Variants in LRTM3 observed in about 807,000 individuals in gnomAD.
LRTM3 encodes leucine-rich repeat transmembrane protein 3.
chr13:102,754,876 CAG>C, the LRTM3 span, among the ~76,000 whole-genome samples: 3 of 152,128 alleles, frequency 2.0e-5, no homozygotes, highest in African/African-American at 4.8e-5. Context: ...AACAAATAAA[CAG>C]AGTCTTCTTT....
At chr13:102,746,781 T>C in the LRTM3 span, 4 of 1,551,244 alleles carry the variant, frequency 2.6e-6, no homozygotes, top group Non-Finnish European at 3.5e-6. Flanking sequence ...TCACTTCCAT[T>C]ACTTGGAATA....
chr13:102,748,952 G>A, the LRTM3 span: 6 of 1,550,406 alleles, frequency 3.9e-6, no homozygotes, highest in Non-Finnish European at 5.2e-6. Flanking sequence ...TGTATCTGGT[G>A]ACTTATTTTG....
At chr13:102,748,449 T>C in the LRTM3 span, 2 of 1,551,142 alleles carry the variant, frequency 1.3e-6, no homozygotes, top group Non-Finnish European at 1.7e-6. Context: ...TTCTGTGTAT[T>C]TTCCCTTGGA....
At chr13:102,742,015 C>A in the LRTM3 span, 1 of 1,550,488 alleles carries the variant, frequency 6.4e-7, no homozygotes, top group Non-Finnish European at 8.7e-7. Context: ...ATGACCTTTG[C>A]ATTTCTTTTA....
the LRTM3 span, chr13:102,730,940 G>C: frequency 1.3e-6 from 2 of 1,551,384 alleles, no homozygotes; most frequent in African/African-American, 2.7e-5. Flanking sequence ...AATACAGTTA[G>C]ATAAGGGTTT....
the LRTM3 span, chr13:102,747,745 C>T: frequency 1.2e-5 from 19 of 1,550,908 alleles, no homozygotes; most frequent in Middle Eastern, 1.7e-4. Flanking sequence ...TTTGCTTCAC[C>T]TTCTCAACTT....
At chr13:102,758,690 AT>A in the LRTM3 span, 2 of 1,530,246 alleles carry the variant, frequency 1.3e-6, no homozygotes, top group Non-Finnish European at 1.8e-6. Context: ...GAAATCAACC[AT>A]TTATTCTTAC....
At chr13:102,734,397 G>T in the LRTM3 span, 3 of 1,551,332 alleles carry the variant, frequency 1.9e-6, no homozygotes, top group African/African-American at 1.4e-5. Context: ...GATGGCAAAG[G>T]TTTGGAAAAG....
chr13:102,749,761 T>A, the LRTM3 span: 1 of 1,551,334 alleles, frequency 6.4e-7, no homozygotes, highest in Non-Finnish European at 8.7e-7. Context: ...TAAATTGGAC[T>A]TCATAAAGAC....
chr13:102,757,606 G>C, the LRTM3 span, among the ~76,000 whole-genome samples: 12 of 152,132 alleles, frequency 7.9e-5, no homozygotes, highest in African/African-American at 2.9e-4. Flanking sequence ...TTCATGTCCT[G>C]GAATGTCTTT....
chr13:102,748,683 C>A, the LRTM3 span: 1 of 1,550,142 alleles, frequency 6.5e-7, no homozygotes, highest in Non-Finnish European at 8.7e-7. Context: ...CTATTTAGAA[C>A]ATGAAATTCT....
the LRTM3 span, chr13:102,744,468 T>A: frequency 6.4e-7 from 1 of 1,550,740 alleles, no homozygotes; most frequent in Non-Finnish European, 8.7e-7. Context: ...AATGAAGTCT[T>A]TAGACCTTCC....
At chr13:102,731,278 C>T in the LRTM3 span, 1 of 1,551,280 alleles carries the variant, frequency 6.4e-7, no homozygotes, top group Non-Finnish European at 8.7e-7. Context: ...TGGTATCAGT[C>T]CCTTCTAGAG....
chr13:102,750,365 C>A, the LRTM3 span: 1 of 1,508,804 alleles, frequency 6.6e-7, no homozygotes, highest in East Asian at 2.5e-5. Flanking sequence ...TGAAGTAATT[C>A]TTTTTTCTAA....
At chr13:102,745,292 G>A in the LRTM3 span, 3 of 1,550,626 alleles carry the variant, frequency 1.9e-6, no homozygotes, top group African/African-American at 1.4e-5. Flanking sequence ...AATGTCACGT[G>A]AAGTAATACT....
At chr13:102,736,312 A>C in the LRTM3 span, 3 of 1,551,114 alleles carry the variant, frequency 1.9e-6, no homozygotes, top group Non-Finnish European at 2.6e-6. Flanking sequence ...TCTTACTCAG[A>C]GGACTGTGCT....
the LRTM3 span, chr13:102,735,141 C>T: frequency 6.4e-7 from 1 of 1,551,300 alleles, no homozygotes; most frequent in Non-Finnish European, 8.7e-7. Context: ...TTTTCCTCCT[C>T]TTGCTCTCTA....
the LRTM3 span, chr13:102,737,678 T>C: frequency 6.4e-7 from 1 of 1,550,726 alleles, no homozygotes; most frequent in Non-Finnish European, 8.7e-7. Flanking sequence ...TACTTCATCC[T>C]CTTCTTTCTG....
the LRTM3 span, chr13:102,750,015 C>T: frequency 6.5e-7 from 1 of 1,550,010 alleles, no homozygotes; most frequent in Non-Finnish European, 8.7e-7. Context: ...ACATCTAGAT[C>T]TTCATTTTCT....
Sources: allele counts gnomAD v4.1 joint callset (sites outside exome capture counted in the v4.1 genomes callset), GRCh38; gene constraint gnomAD v4.1.1; transcripts MANE v1.5; gene names NCBI Gene and HGNC (gene_info 2026-07-23, HGNC 2026-07-21).